ACSF3: variants seen among roughly 807,000 people sequenced by gnomAD.
ACSF3 encodes malonate--CoA ligase ACSF3, mitochondrial.
Under a neutral mutation model 53.2 loss-of-function variants are expected in ACSF3, and 78 were observed. That is an observed-to-expected ratio of 1.47 (90% CI 1.22 to 1.77). The LOEUF is 1.77. Among genes scored for constraint, ACSF3 ranks in the 40% most tolerant of loss-of-function variants. The pLI is 0.00. For synonymous variants in ACSF3, 414 were observed against 333.1 expected, an observed-to-expected ratio of 1.24 and a Z score of -2.65; for missense variants, 937 against 771.1, an observed-to-expected ratio of 1.22 and a Z score of -2.55.
intron 6 of ACSF3, among the ~76,000 whole-genome samples, chr16:89,117,629 C>T (rs1294892745): frequency 2.0e-5 from 3 of 151,674 alleles, no homozygotes; most frequent in Admixed American, 1.3e-4. Context: ...CAGGGACCGC[C>T]GTCCACACCA....
chr16:89,102,347 T>G, intron 3 of ACSF3: 1 of 535,604 alleles, frequency 1.9e-6, no homozygotes, highest in Non-Finnish European at 3.4e-6. Context: ...CTCCCCGACC[T>G]TCTAAATTCC....
intron 4 of ACSF3, among the ~76,000 whole-genome samples, chr16:89,111,614 G>T (rs566229500): frequency 6.6e-6 from 1 of 152,252 alleles, no homozygotes; most frequent in Non-Finnish European, 1.5e-5. Context: ...AACTTAAAAC[G>T]TATTTATATG....
intron 6 of ACSF3, among the ~76,000 whole-genome samples, chr16:89,119,633 C>G (rs1175056494): frequency 2.0e-5 from 3 of 152,214 alleles, no homozygotes; most frequent in Non-Finnish European, 4.4e-5. Context: ...CCACACCCCC[C>G]ATAGTGGTGA....
chr16:89,132,176 C>T (rs1005251521), intron 7 of ACSF3, among the ~76,000 whole-genome samples: 2 of 152,256 alleles, frequency 1.3e-5, no homozygotes, highest in Non-Finnish European at 2.9e-5. Context: ...CTTCCCTGGC[C>T]CCTGGTTTTC....
chr16:89,148,309 A>T (rs1433067345), intron 10 of ACSF3: 1 of 152,042 alleles, frequency 6.6e-6, no homozygotes, highest in Non-Finnish European at 1.5e-5. Flanking sequence ...CATGTTGTCC[A>T]GGCTGGTCTC....
chr16:89,102,422 TCTG>T, intron 3 of ACSF3, 179 bp from the exon 4 acceptor site: 1 of 690,642 alleles, frequency 1.4e-6, no homozygotes, highest in South Asian at 1.7e-5. Context: ...ACCCAGCAGA[TCTG>T]CTGTGGTTTT....
intron 7 of ACSF3, among the ~76,000 whole-genome samples, chr16:89,124,211 AAAG>A (rs1907421181): frequency 6.6e-6 from 1 of 152,106 alleles, no homozygotes; most frequent in South Asian, 2.1e-4. Context: ...ATACAGAAAA[AAAG>A]ACCTGATGGA....
chr16:89,146,286 C>T (rs1912941949), intron 10 of ACSF3, among the ~76,000 whole-genome samples: 2 of 152,188 alleles, frequency 1.3e-5, no homozygotes, highest in South Asian at 4.1e-4. Context: ...GGCAGAAACT[C>T]ACATTCCTGG....
chr16:89,099,078 T>G (rs887169913), intron 2 of ACSF3, among the ~76,000 whole-genome samples: 3 of 152,224 alleles, frequency 2.0e-5, no homozygotes, highest in Non-Finnish European at 4.4e-5. Flanking sequence ...TTACTGTGAG[T>G]CGAGCAAAGC....
rs991144071 is a variant in ACSF3, at chr16:89,154,645, C to T, written c.*438C>T. The T allele has an allele frequency of 2.4e-5, 11 of 454,426 alleles. No individual in the cohort carries two copies. The highest frequency in any genetic ancestry group is 4.0e-5 in the African/African-American group (2 of 50,042). 28.1% of individuals were successfully genotyped at this position (454,426 alleles called of 1,614,324 possible). ...TGCCTCACCCAGAGCCAGTGTCTCC[C>T]GGCCCACATAGGAGGTCTGGGCAGC... On this transcript the variant is annotated 3_prime_UTR_variant, in exon 11 of 11. Transcript: ENST00000614302.
intron 6 of ACSF3, among the ~76,000 whole-genome samples, chr16:89,119,007 C>T (rs868203525): frequency 1.1e-4 from 17 of 151,862 alleles, no homozygotes; most frequent in African/African-American, 3.1e-4. Context: ...ACCCCTCCCT[C>T]GAGCTCTCAC....
intron 7 of ACSF3, among the ~76,000 whole-genome samples, chr16:89,130,205 C>T (rs1260895839): frequency 6.6e-6 from 1 of 152,226 alleles, no homozygotes; most frequent in Non-Finnish European, 1.5e-5. Context: ...ATGTCTTTAT[C>T]TTCCTTCCTG....
At chr16:89,141,770 T>C (rs12325583) in intron 8 of ACSF3, among the ~76,000 whole-genome samples, 41,767 of 152,058 alleles carry the variant, frequency 0.27, 6,482 homozygotes, top group East Asian at 0.67. Flanking sequence ...CGGCACCACC[T>C]TCTGATGCCC....
At chr16:89,124,712 A>T (rs1223459938) in intron 7 of ACSF3, among the ~76,000 whole-genome samples, 1 of 151,200 alleles carries the variant, frequency 6.6e-6, no homozygotes, top group Non-Finnish European at 1.5e-5. Flanking sequence ...TGTGATACCC[A>T]TGTGCGCACT....
intron 8 of ACSF3, among the ~76,000 whole-genome samples, chr16:89,138,135 G>T (rs1911000971): frequency 6.6e-6 from 1 of 152,198 alleles, no homozygotes; most frequent in African/African-American, 2.4e-5. Flanking sequence ...CAGGCACTGT[G>T]GAGGCCAAGT....
Position 89,155,511 on chromosome 16 carries a change from G to A in ACSF3, c.*1304G>A, listed in dbSNP as rs1202156830. On this transcript the variant is annotated 3_prime_UTR_variant, in exon 11 of 11. Coordinates refer to ENST00000614302, the MANE Select transcript of ACSF3 (RefSeq NM_001243279.3). ...GCCCTGTTTTCCAGGACTGGTGGGT[G>A]CCCCAGTCCACGGCCCTGCCCCACC... 1 of 454,138 alleles carries A rather than the reference G, an allele frequency of 2.2e-6. No homozygotes were observed. The highest frequency in any genetic ancestry group is 2.3e-5 in the Admixed American group (1 of 42,582). The allele number at this position is 454,138 out of a possible 1,614,324, so 28.1% of individuals were successfully genotyped here. A position where few individuals can be genotyped will look rare whatever the true frequency, so the allele number is the denominator to read the frequency against.
At chr16:89,094,432 C>T (rs1186182134) in intron 1 of ACSF3, among the ~76,000 whole-genome samples, 2 of 152,228 alleles carry the variant, frequency 1.3e-5, no homozygotes, top group African/African-American at 4.8e-5. Flanking sequence ...TCACAGCCGG[C>T]CTAGCCCCTG....
At chr16:89,128,908 C>T (rs1392981501) in intron 7 of ACSF3, among the ~76,000 whole-genome samples, 1 of 152,070 alleles carries the variant, frequency 6.6e-6, no homozygotes, top group Non-Finnish European at 1.5e-5. Flanking sequence ...GCAGGAGAAT[C>T]ACTGCCCAGG....
chr16:89,150,791 G>A, intron 10 of ACSF3: 1 of 365,600 alleles, frequency 2.7e-6, no homozygotes, highest in South Asian at 2.1e-5. Context: ...GCTGTACCTG[G>A]CCCACAGCTA....
Sources: gnomAD v4.1 joint callset for allele counts (sites outside exome capture counted in the v4.1 genomes callset) on GRCh38, gnomAD v4.1.1 for gene constraint, MANE v1.5 for transcripts, NCBI Gene and HGNC (gene_info 2026-07-23, HGNC 2026-07-21) for gene names.